The following SH3RF2 variants were observed in gnomAD, a reference collection of about 807,000 sequenced individuals.
SH3RF2 encodes E3 ubiquitin-protein ligase SH3RF2.
SH3RF2 carries 43 observed loss-of-function variants against 59.0 expected under a neutral mutation model. The ratio of observed to expected loss-of-function variants is 0.73; its 90% CI spans 0.57 to 0.94. The LOEUF is 0.94. SH3RF2 is among the 40% of genes least tolerant of loss of function. SH3RF2 has a pLI of 0.00. For missense variants in SH3RF2, 930 were observed against 940.1 expected (o/e 0.99, Z 0.14); for synonymous variants, 391 against 391.5 (o/e 1.00, Z 0.01).
chr5:145,968,958 G>A (rs566942831), intron 2 of SH3RF2, among the ~76,000 whole-genome samples: 14 of 152,254 alleles, frequency 9.2e-5, no homozygotes, highest in African/African-American at 3.4e-4. Context: ...TCTGTATAGA[G>A]AACATATAAT....
chr5:145,961,837 C>A (rs1387317179), intron 2 of SH3RF2, among the ~76,000 whole-genome samples: 1 of 152,192 alleles, frequency 6.6e-6, no homozygotes, highest in Non-Finnish European at 1.5e-5. Flanking sequence ...CCTCTTCCAA[C>A]TGGCTTAAGA....
chr5:146,020,432 A>G (rs1229672632), intron 5 of SH3RF2, among the ~76,000 whole-genome samples: 3 of 152,240 alleles, frequency 2.0e-5, no homozygotes, highest in South Asian at 4.1e-4. Context: ...ATGTTTTTTG[A>G]ATAAATAATT....
At chr5:145,975,360 C>T (rs574088388) in intron 2 of SH3RF2, among the ~76,000 whole-genome samples, 7 of 152,246 alleles carry the variant, frequency 4.6e-5, no homozygotes, top group Non-Finnish European at 8.8e-5. Flanking sequence ...ACATCCCTGA[C>T]TCCTGTCTTA....
chr5:146,008,427 G>A (rs932504097), intron 4 of SH3RF2, among the ~76,000 whole-genome samples: 5 of 152,138 alleles, frequency 3.3e-5, no homozygotes, highest in African/African-American at 1.2e-4. Context: ...GCTATATAAA[G>A]AACTTTACTC....
intron 2 of SH3RF2, among the ~76,000 whole-genome samples, chr5:145,988,701 T>C (rs772117988): frequency 6.6e-6 from 1 of 152,166 alleles, no homozygotes; most frequent in Non-Finnish European, 1.5e-5. Context: ...CAAATCTGAA[T>C]GTCGGATTTA....
intron 4 of SH3RF2, among the ~76,000 whole-genome samples, chr5:146,011,283 C>G (rs1760883337): frequency 6.6e-6 from 1 of 152,080 alleles, no homozygotes; most frequent in African/African-American, 2.4e-5. Context: ...GTTACTGTAG[C>G]CTGGTAGTAT....
At chr5:145,937,771 ACC>A in intron 1 of SH3RF2, 50 bp from the exon 2 acceptor site, 1 of 808,380 alleles carries the variant, frequency 1.2e-6, no homozygotes, top group Admixed American at 2.4e-5. Flanking sequence ...GGTGGGATAT[ACC>A]TCTCGGAGCA....
chr5:146,079,166 A>G (rs948031291), exon 10 of SH3RF2: 7 of 152,244 alleles, frequency 4.6e-5, no homozygotes, highest in Admixed American at 1.3e-4. Context: ...CCAAACTGCA[A>G]TGCTTACAAA....
At chr5:145,998,951 G>A (rs1760279836) in intron 2 of SH3RF2, among the ~76,000 whole-genome samples, 1 of 152,030 alleles carries the variant, frequency 6.6e-6, no homozygotes, top group African/African-American at 2.4e-5. Flanking sequence ...ACACTATGCT[G>A]TAGTCTATTA....
intron 4 of SH3RF2, 57 bp from the exon 5 acceptor site, chr5:146,013,690 G>A: frequency 6.3e-7 from 1 of 1,595,140 alleles, no homozygotes. Flanking sequence ...GGTAGGAACT[G>A]GCTACTCACA....
intron 5 of SH3RF2, among the ~76,000 whole-genome samples, chr5:146,029,874 T>G (rs1235274899): frequency 6.6e-6 from 1 of 152,192 alleles, no homozygotes; most frequent in Non-Finnish European, 1.5e-5. Flanking sequence ...ATTTATTGTA[T>G]CTCAATGCAC....
At position 145,973,994 on chromosome 5, in the gene SH3RF2, G is replaced by A. The variant is rs138116534; in HGVS notation, c.379-26064G>A. Among the ~76,000 whole-genome samples the A allele has an allele frequency of 4.9e-4, 75 of 152,290 alleles. 1 individual carries two copies. The East Asian group carries it at 0.012, about 24-fold the overall frequency. ...TTCTGTGGGTCAGGAGTCTGACACA[G>A]CCCAGCTGAATCCTCTGCCATCAAG... On this transcript the variant is annotated intron_variant, in intron 2 of 9. Coordinates refer to ENST00000359120, the MANE Select transcript of SH3RF2 (RefSeq NM_152550.4).
At chr5:145,991,381 T>C (rs1226921026) in intron 2 of SH3RF2, among the ~76,000 whole-genome samples, 1 of 152,222 alleles carries the variant, frequency 6.6e-6, no homozygotes, top group Admixed American at 6.5e-5. Context: ...GAAAAATGTC[T>C]GTGGCCTGGC....
intron 2 of SH3RF2, among the ~76,000 whole-genome samples, chr5:145,956,941 G>A (rs368966364): frequency 2.0e-5 from 3 of 152,180 alleles, no homozygotes; most frequent in Non-Finnish European, 4.4e-5. Flanking sequence ...TGCTAGAATT[G>A]GTATAAACTG....
chr5:145,970,019 A>G (rs899567479), intron 2 of SH3RF2, among the ~76,000 whole-genome samples: 3 of 151,998 alleles, frequency 2.0e-5, no homozygotes, highest in African/African-American at 7.3e-5. Flanking sequence ...AAATAAACCT[A>G]CTCATATTGC....
At chr5:145,939,848 C>A (rs1375133640) in intron 2 of SH3RF2, among the ~76,000 whole-genome samples, 1 of 152,166 alleles carries the variant, frequency 6.6e-6, no homozygotes, top group Non-Finnish European at 1.5e-5. Context: ...GTCTGACCTG[C>A]CTTTCAGCGG....
exon 10 of SH3RF2, chr5:146,081,019 C>G (rs891205094): frequency 6.6e-6 from 1 of 152,242 alleles, no homozygotes; most frequent in Non-Finnish European, 1.5e-5. Context: ...AGGATTGTCT[C>G]GATCTCCTGA....
At chr5:145,964,219 T>C (rs996583369) in intron 2 of SH3RF2, among the ~76,000 whole-genome samples, 4 of 150,964 alleles carry the variant, frequency 2.6e-5, no homozygotes, top group Non-Finnish European at 4.4e-5. Context: ...CTTCCTCCCT[T>C]CCTTCTTTCT....
chr5:146,068,213 G>A (rs746293282), downstream of SH3RF2, among the ~76,000 whole-genome samples: 11 of 152,230 alleles, frequency 7.2e-5, no homozygotes, highest in Non-Finnish European at 1.3e-4. Context: ...AGGTACGGAA[G>A]TTATCTGTTT....
Sources: allele counts gnomAD v4.1 joint callset (sites outside exome capture counted in the v4.1 genomes callset), GRCh38; gene constraint gnomAD v4.1.1; transcripts MANE v1.5; gene names NCBI Gene and HGNC (gene_info 2026-07-23, HGNC 2026-07-21).